Variants in PRDM16 observed in about 807,000 individuals in gnomAD.
PRDM16 encodes the protein histone-lysine N-methyltransferase PRDM16.
Under a neutral mutation model 110.6 loss-of-function variants are expected in PRDM16, and 23 were observed. The observed-to-expected ratio is 0.21, with a 90% CI of 0.15 to 0.29. The LOEUF (loss-of-function observed/expected upper bound fraction) is 0.29. Among genes scored for constraint, PRDM16 ranks in the 10% least tolerant of loss-of-function variants. PRDM16 has a pLI of 1.00. For missense variants in PRDM16, 1,615 were observed against 1,794.3 expected, an observed-to-expected ratio of 0.90 and a Z score of 1.81; for synonymous variants, 799 against 781.8, an observed-to-expected ratio of 1.02 and a Z score of -0.37.
chr1:3,425,358 G>A lies in PRDM16; in HGVS notation c.2940-223G>A, dbSNP rs146814281. 5.5e-5 allele frequency: 28 copies of A among 510,194 alleles called. No homozygotes were observed. Among genetic ancestry groups the A allele is most frequent in the East Asian group, 2.7e-4 (8 of 29,908 alleles). The allele number at this position is 510,194 out of a possible 1,614,324, so 31.6% of individuals were successfully genotyped here. A position where few individuals can be genotyped will look rare whatever the true frequency, so the allele number is the denominator to read the frequency against. ...CTCCCAAAGTGCTGTGATTATAGGCGTGAACCCCTGCTTCTTGAAGCCGGG... is the reference window on the plus strand; with the variant it reads ...CTCCCAAAGTGCTGTGATTATAGGCATGAACCCCTGCTTCTTGAAGCCGGG... On this transcript the variant is annotated intron_variant, in intron 12 of 16. Transcript: ENST00000270722. The surrounding 1 kb of genome is among the most constrained non-coding windows in gnomAD (Gnocchi z 6.9).
At chr1:3,322,007 C>T (rs1007356801) in intron 3 of PRDM16, among the ~76,000 whole-genome samples, 6 of 149,148 alleles carry the variant, frequency 4.0e-5, no homozygotes, top group Non-Finnish European at 8.9e-5. Context: ...TGAGTGCGTA[C>T]GTTTGTGTGT....
At position 3,241,583 on chromosome 1, in the gene PRDM16, T is replaced by TC. The variant is rs1195852964; in HGVS notation, c.388-2500dup. On this transcript the variant is annotated intron_variant, in intron 2 of 16. Coordinates refer to ENST00000270722, the MANE Select transcript of PRDM16 (RefSeq NM_022114.4). The stretch of plus-strand genomic sequence containing the variant: ...CGGTGTTGGAGCATCCGTCTCTGCG[T>TC]CCCCACCTGATGACAAGCTCCGGGG... Among the ~76,000 whole-genome samples, 3 of 152,218 alleles carry TC rather than the reference T, an allele frequency of 2.0e-5. No homozygotes were observed. The East Asian group carries it at 5.8e-4, about 30-fold the overall frequency.
At chr1:3,100,390 G>A (rs112895725) in intron 1 of PRDM16, among the ~76,000 whole-genome samples, 1,997 of 152,316 alleles carry the variant, frequency 0.013, 48 homozygotes, top group African/African-American at 0.046. Context: ...TGGCTGAGCC[G>A]CTTCCCCATC....
At chr1:3,374,088 C>T (rs1642953216) in intron 3 of PRDM16, among the ~76,000 whole-genome samples, 1 of 152,238 alleles carries the variant, frequency 6.6e-6, no homozygotes, top group African/African-American at 2.4e-5. Context: ...GGTATATCGG[C>T]CAGCACGAGG....
At chr1:3,108,939 G>A (rs1642724875) in intron 1 of PRDM16, among the ~76,000 whole-genome samples, 1 of 151,902 alleles carries the variant, frequency 6.6e-6, no homozygotes, top group African/African-American at 2.4e-5. Context: ...AAAATTAGCT[G>A]GGCGTAGTGG....
intron 3 of PRDM16, among the ~76,000 whole-genome samples, chr1:3,314,892 G>A (rs1641562935): frequency 6.6e-6 from 1 of 152,150 alleles, no homozygotes; most frequent in East Asian, 1.9e-4. Context: ...AACAGTAGCA[G>A]CTCCAAATGT....
At chr1:3,355,409 G>A (rs1642575459) in intron 3 of PRDM16, among the ~76,000 whole-genome samples, 1 of 152,150 alleles carries the variant, frequency 6.6e-6, no homozygotes, top group Admixed American at 6.5e-5. Flanking sequence ...CCTGGCGGGG[G>A]GCTTGGCCTC....
chr1:3,376,913 CT>C (rs574668115), intron 3 of PRDM16, among the ~76,000 whole-genome samples: 414 of 152,364 alleles, frequency 2.7e-3, no homozygotes, highest in Non-Finnish European at 4.8e-3. Flanking sequence ...ACCCAGCCCC[CT>C]ATTGGGCATC....
chr1:3,138,290 G>A (rs561087444), intron 1 of PRDM16, among the ~76,000 whole-genome samples: 18 of 152,356 alleles, frequency 1.2e-4, no homozygotes, highest in African/African-American at 4.1e-4. Context: ...GCTGCCACAA[G>A]CCTTTTTGCA....
chr1:3,435,764 C>T lies in PRDM16; in HGVS notation c.*1953C>T, dbSNP rs12040797. On this transcript the variant is annotated 3_prime_UTR_variant, in exon 17 of 17. Transcript: ENST00000270722. ...TGGCTGCTCCAGGACAAAAGACAAT[C>T]GTCTCTGTGGGTGCCGGGTGGTCCA... 9.9e-3 allele frequency: 2,298 copies of T among 232,364 alleles called. 43 individuals are homozygous for T. The highest frequency in any genetic ancestry group is 0.048 in the East Asian group (790 of 16,472). The allele number at this position is 232,364 out of a possible 1,614,324, so 14.4% of individuals were successfully genotyped here. A position where few individuals can be genotyped will look rare whatever the true frequency, so the allele number is the denominator to read the frequency against.
intron 3 of PRDM16, among the ~76,000 whole-genome samples, chr1:3,334,922 C>T (rs1387923314): frequency 3.9e-5 from 6 of 152,234 alleles, no homozygotes; most frequent in African/African-American, 9.6e-5. Flanking sequence ...CTGCGCCTTC[C>T]GCGGAGGGCC....
Position 3,157,517 on chromosome 1 carries a change from A to G in PRDM16, c.38-28608A>G, listed in dbSNP as rs1298677896. Among the ~76,000 whole-genome samples the G allele has an allele frequency of 6.6e-6, 1 of 151,462 alleles. No homozygotes were observed. The highest frequency in any genetic ancestry group is 6.6e-5 in the Admixed American group (1 of 15,200). ...CCAGATCCAGTTGTTTGGTAGGATAAGGTCTTTATGGGCAGAAAAGAGATG... is the reference window on the plus strand; with the variant it reads ...CCAGATCCAGTTGTTTGGTAGGATAGGGTCTTTATGGGCAGAAAAGAGATG... On this transcript the variant is annotated intron_variant, in intron 1 of 16. Coordinates refer to ENST00000270722, the MANE Select transcript of PRDM16 (RefSeq NM_022114.4). The surrounding 1 kb of genome is among the most constrained non-coding windows in gnomAD (Gnocchi z 4.8).
At chr1:3,399,481 G>A (rs1569682330) in intron 5 of PRDM16, among the ~76,000 whole-genome samples, 1 of 152,156 alleles carries the variant, frequency 6.6e-6, no homozygotes, top group South Asian at 2.1e-4. Flanking sequence ...CGGGAGACCT[G>A]TCCATACCAC....
chr1:3,354,279 G>A (rs930215969), intron 3 of PRDM16, among the ~76,000 whole-genome samples: 3 of 152,042 alleles, frequency 2.0e-5, no homozygotes, highest in African/African-American at 7.2e-5. Flanking sequence ...GGCCAACTTA[G>A]GGAAACCCCG....
chr1:3,312,219 G>T (rs74048226), intron 3 of PRDM16, among the ~76,000 whole-genome samples: 15,185 of 152,256 alleles, frequency 0.1, 888 homozygotes, highest in African/African-American at 0.16. Flanking sequence ...GCCCTCAGTG[G>T]ACATCCATGG....
chr1:3,322,326 G>A lies in PRDM16; in HGVS notation c.439-62826G>A, dbSNP rs1193689753. Among the ~76,000 whole-genome samples, 3 of 152,162 alleles carry A rather than the reference G, an allele frequency of 2.0e-5. 1 individual carries two copies. The South Asian group carries it at 6.2e-4, about 32-fold the overall frequency. ...GAAACAGGCCCGGAATAAACGGGCTGTTGATTGACTCGAGTTACATCATTT... is the reference window on the plus strand; with the variant it reads ...GAAACAGGCCCGGAATAAACGGGCTATTGATTGACTCGAGTTACATCATTT... On this transcript the variant is annotated intron_variant, in intron 3 of 16. Coordinates refer to ENST00000270722, the MANE Select transcript of PRDM16 (RefSeq NM_022114.4).
At chr1:3,325,891 ATCCTTGGCCCTCTTGGCCCTCCTTGGCCC>A (rs1346754175) in intron 3 of PRDM16, among the ~76,000 whole-genome samples, 9 of 149,508 alleles carry the variant, frequency 6.0e-5, no homozygotes, top group African/African-American at 1.2e-4. Flanking sequence ...ATTCTTGGCC[ATCCTTGGCCCTCTTGGCCCTCCTTGGCCC>A]TCCTCGGCCC....
intron 3 of PRDM16, among the ~76,000 whole-genome samples, chr1:3,369,177 C>CG (rs1342814163): frequency 1.3e-5 from 2 of 152,074 alleles, no homozygotes; most frequent in Non-Finnish European, 2.9e-5. Context: ...GGCTGGAACT[C>CG]GGGGGGAGCG....
chr1:3,146,824 AGT>A (rs201145721), intron 1 of PRDM16, among the ~76,000 whole-genome samples: 65 of 21,064 alleles, frequency 3.1e-3, no homozygotes, highest in East Asian at 0.023. Context: ...CTCAGTATGG[AGT>A]GTGTGTGTGC....
Sources: allele counts gnomAD v4.1 joint callset (sites outside exome capture counted in the v4.1 genomes callset), GRCh38; gene constraint gnomAD v4.1.1; non-coding constraint Gnocchi (gnomAD v3.1); transcripts MANE v1.5; gene names NCBI Gene and HGNC (gene_info 2026-07-23, HGNC 2026-07-21).